The following ASAP2 variants were observed in gnomAD, a reference collection of about 807,000 sequenced individuals.
The protein encoded by ASAP2 is arf-GAP with SH3 domain, ANK repeat and PH domain-containing protein 2.
Under a neutral mutation model 131.4 loss-of-function variants are expected in ASAP2, and 45 were observed. The observed-to-expected ratio is 0.34, with a 90% confidence interval of 0.27 to 0.44. The LOEUF is 0.44. Among genes scored for constraint, ASAP2 ranks in the 20% least tolerant of loss-of-function variants. ASAP2 has a pLI of 1.00. For synonymous variants in ASAP2, 510 were observed against 503.0 expected (o/e 1.01, Z -0.19); for missense variants, 1,011 against 1,297.0 (o/e 0.78, Z 3.39).
chr2:9,358,173 G>C (rs1251767908), intron 14 of ASAP2, among the ~76,000 whole-genome samples: 2 of 152,166 alleles, frequency 1.3e-5, no homozygotes, highest in African/African-American at 2.4e-5. Flanking sequence ...AAAAATCCCT[G>C]CCCTGGTCAT....
intron 9 of ASAP2, among the ~76,000 whole-genome samples, chr2:9,337,451 T>C (rs905944569): frequency 6.6e-6 from 1 of 152,256 alleles, no homozygotes; most frequent in African/African-American, 2.4e-5. Context: ...GTTTAGGCCG[T>C]CATTCCCTTT....
intron 3 of ASAP2, among the ~76,000 whole-genome samples, chr2:9,302,507 C>T (rs1350968234): frequency 3.3e-5 from 5 of 151,934 alleles, no homozygotes; most frequent in Admixed American, 3.3e-4. Context: ...CAGAGTCTCA[C>T]TGTGTCGCCC....
At chr2:9,375,427 T>G (rs1171542434) in intron 17 of ASAP2, among the ~76,000 whole-genome samples, 1 of 152,104 alleles carries the variant, frequency 6.6e-6, no homozygotes, top group Non-Finnish European at 1.5e-5. Context: ...AGTAGGAAAA[T>G]AATTGTATCT....
intron 15 of ASAP2, among the ~76,000 whole-genome samples, chr2:9,361,974 C>CGTGTGTGTGTGTGTGTGT (rs70948815): frequency 4.4e-4 from 63 of 143,280 alleles, no homozygotes; most frequent in Admixed American, 8.4e-4. Context: ...TCTTTCTCTG[C>CGTGTGTGTGTGTGTGTGT]GTGTGTGTGT....
At chr2:9,249,706 CG>C (rs1317713696) in intron 1 of ASAP2, among the ~76,000 whole-genome samples, 1 of 151,364 alleles carries the variant, frequency 6.6e-6, no homozygotes, top group Non-Finnish European at 1.5e-5. Context: ...ATTGCTGGCA[CG>C]GGTCTCCTGG....
At chr2:9,258,777 G>A (rs568590141) in intron 1 of ASAP2, among the ~76,000 whole-genome samples, 4 of 152,340 alleles carry the variant, frequency 2.6e-5, no homozygotes, top group African/African-American at 9.6e-5. Context: ...TTCTGGCTGA[G>A]AAACAGATGA....
At chr2:9,273,938 T>C (rs989902100) in intron 1 of ASAP2, among the ~76,000 whole-genome samples, 1 of 152,238 alleles carries the variant, frequency 6.6e-6, no homozygotes, top group Non-Finnish European at 1.5e-5. Flanking sequence ...GGGTTTATTT[T>C]GGGAAAGGGC....
At position 9,279,326 on chromosome 2, in the gene ASAP2, G is replaced by A. The variant is rs771427856; in HGVS notation, c.136G>A (p.Val46Met). The A allele has an allele frequency of 9.3e-6, 15 of 1,614,010 alleles. No individual in the cohort carries two copies. Among genetic ancestry groups the A allele is most frequent in the East Asian group, 8.9e-5 (4 of 44,896 alleles). The change falls in exon 2 of 28, where the codon GTG becomes ATG. Residue 46 changes from valine (V) to methionine (M), a missense_variant. By Grantham distance (21) the Val-to-Met change is conservative. This residue lies in a region of ASAP2 where 359 missense variants were observed against 598.1 expected (regional missense o/e 0.60). Transcript: ENST00000281419. Reference sequence around the variant, plus strand: ...ATTCTCTACATTTTAGGCTTTGGACGTGGACCGGATGGTTCTTTACAAAAT... The same window carrying A: ...ATTCTCTACATTTTAGGCTTTGGACATGGACCGGATGGTTCTTTACAAAAT... ...TVAAIEEALD[V>M]DRMVLYKMKK...
At chr2:9,226,111 C>G (rs969200606) in intron 1 of ASAP2, among the ~76,000 whole-genome samples, 1 of 152,162 alleles carries the variant, frequency 6.6e-6, no homozygotes, top group South Asian at 2.1e-4. Context: ...CCCTGGGGCA[C>G]GTAAGAGGGG....
chr2:9,298,130 C>T (rs1474481273), intron 3 of ASAP2, among the ~76,000 whole-genome samples: 2 of 152,160 alleles, frequency 1.3e-5, no homozygotes, highest in African/African-American at 2.4e-5. Context: ...ACCCTGGGAT[C>T]GCTCCAGCTT....
At chr2:9,329,092 T>C (rs1670665059) in intron 7 of ASAP2, among the ~76,000 whole-genome samples, 1 of 152,166 alleles carries the variant, frequency 6.6e-6, no homozygotes, top group Non-Finnish European at 1.5e-5. Flanking sequence ...GGATCTGAGA[T>C]CTAAAGTATG....
intron 21 of ASAP2, among the ~76,000 whole-genome samples, chr2:9,387,713 C>T (rs1212110962): frequency 1.3e-5 from 2 of 152,206 alleles, no homozygotes; most frequent in East Asian, 1.9e-4. Context: ...AGAATTTTAA[C>T]CTGTAATTAA....
intron 9 of ASAP2, among the ~76,000 whole-genome samples, chr2:9,337,480 G>C (rs1012438105): frequency 6.6e-6 from 1 of 152,146 alleles, no homozygotes; most frequent in Non-Finnish European, 1.5e-5. Context: ...TTTCTTCTGT[G>C]ACTTAGACAA....
At chr2:9,274,362 A>C (rs1666612489) in intron 1 of ASAP2, among the ~76,000 whole-genome samples, 1 of 116,198 alleles carries the variant, frequency 8.6e-6, no homozygotes, top group South Asian at 2.5e-4. Context: ...TCATTTTGTC[A>C]CCCAAGCTGG....
chr2:9,328,999 C>T (rs1670659699), intron 7 of ASAP2, among the ~76,000 whole-genome samples: 2 of 152,144 alleles, frequency 1.3e-5, no homozygotes, highest in African/African-American at 4.8e-5. Context: ...GATACAGTCT[C>T]CAACAGCCAG....
intron 14 of ASAP2, among the ~76,000 whole-genome samples, chr2:9,357,278 A>G (rs1672776817): frequency 6.6e-6 from 1 of 152,028 alleles, no homozygotes; most frequent in Admixed American, 6.6e-5. Flanking sequence ...CAGGAGTTCA[A>G]GACCAGCCTG....
Position 9,293,967 on chromosome 2 carries a change from C to T in ASAP2, c.200-3333C>T, listed in dbSNP as rs567284143. 4.0e-5 allele frequency among the ~76,000 whole-genome samples: 6 copies of T among 151,270 alleles called. No homozygotes were observed. The East Asian group carries it at 5.8e-4, about 15-fold the overall frequency. ...ACCTTGGGGTTGCTGGGGATCAATA[C>T]ATCGTTTAGAAGATGTATAAGGACA... is the stretch of plus-strand genomic sequence containing the variant. On this transcript the variant is annotated intron_variant, in intron 2 of 27. Transcript: ENST00000281419.
intron 1 of ASAP2, among the ~76,000 whole-genome samples, chr2:9,255,037 T>C (rs961907804): frequency 6.6e-6 from 1 of 152,278 alleles, no homozygotes; most frequent in African/African-American, 2.4e-5. Context: ...TCATTTTTCA[T>C]TTCCACTAAC....
At chr2:9,383,929 C>A (rs7588846) in intron 20 of ASAP2, among the ~76,000 whole-genome samples, 1 of 152,046 alleles carries the variant, frequency 6.6e-6, no homozygotes, top group Admixed American at 6.5e-5. Context: ...AACCAAACAC[C>A]GCACGTTCTC....
Sources: allele counts gnomAD v4.1 joint callset (sites outside exome capture counted in the v4.1 genomes callset), GRCh38; gene constraint gnomAD v4.1.1; regional missense constraint gnomAD v4.1.1; transcripts MANE v1.5; gene names NCBI Gene and HGNC (gene_info 2026-07-23, HGNC 2026-07-21).